Variants in TTC7A observed in about 807,000 individuals in gnomAD.
The protein encoded by TTC7A is tetratricopeptide repeat domain 7A.
TTC7A carries 110 observed loss-of-function variants against 103.7 expected under a neutral mutation model. The observed-to-expected ratio is 1.06, with a 90% CI of 0.91 to 1.24. The LOEUF (loss-of-function observed/expected upper bound fraction) is 1.24, where lower values mean the gene tolerates loss of function less well. TTC7A is among the 50% of genes most tolerant of loss of function. TTC7A has a pLI of 0.00. For missense variants in TTC7A, 1,340 were observed against 1,116.3 expected, an observed-to-expected ratio of 1.20 and a Z score of -2.86; for synonymous variants, 521 against 467.9, an observed-to-expected ratio of 1.11 and a Z score of -1.47.
In TTC7A at chr2:47,009,886, G is replaced by GTT. The variant is rs34401578; in HGVS notation, c.1288-1429_1288-1428dup. On this transcript the variant is annotated intron_variant, in intron 10 of 19. Transcript: ENST00000319190. ...TCCAGCCCAGAAAGAGTGTGTGTGTGTTTTTTTTTTTTTTTTTGGTGGTGG... is the reference window on the plus strand; with the variant it reads ...TCCAGCCCAGAAAGAGTGTGTGTGTGTTTTTTTTTTTTTTTTTTTGGTGGTGG... Among the ~76,000 whole-genome samples, 280 of 93,488 alleles carry GTT rather than the reference G, an allele frequency of 3.0e-3. 3 individuals are homozygous for GTT. The highest frequency in any genetic ancestry group is 7.4e-3 in the African/African-American group (172 of 23,210). 61.3% of individuals were successfully genotyped at this position (93,488 alleles called of 152,430 possible).
At chr2:46,992,072 C>T (rs140468801) in intron 5 of TTC7A, among the ~76,000 whole-genome samples, 116 of 152,328 alleles carry the variant, frequency 7.6e-4, no homozygotes, top group African/African-American at 2.7e-3. Context: ...TCTTGGCTGC[C>T]AGCTTTGGCT....
Position 46,941,388 on chromosome 2 carries a change from ACCCTCCGCCGCCCGGGCC to A in TTC7A, c.-150_-133del. On this transcript the variant is annotated 5_prime_UTR_variant, in exon 1 of 20. Coordinates refer to ENST00000319190, the MANE Select transcript of TTC7A (RefSeq NM_020458.4). This position sits in a 1 kb window ranked among gnomAD's most constrained non-coding sequence, Gnocchi z 4.2. Reference sequence around the variant, plus strand: ...GGTGCTGCTGCTGCTGCTGCTGCCCACCCTCCGCCGCCCGGGCCCCCGCTGCCGCCCGGGCCCCGGCTG... The same window carrying A: ...GGTGCTGCTGCTGCTGCTGCTGCCCACCCGCTGCCGCCCGGGCCCCGGCTG... The A allele has an allele frequency of 5.2e-6, 3 of 575,564 alleles. No homozygotes were observed. Among genetic ancestry groups the A allele is most frequent in the Non-Finnish European group, 7.2e-6 (3 of 417,718 alleles). The allele number at this position is 575,564 out of a possible 1,614,324, so 35.7% of individuals were successfully genotyped here.
chr2:46,956,906 A>T lies in TTC7A; in HGVS notation c.416A>T (p.Asp139Val). The change falls in exon 3 of 20, where the codon GAT (aspartate) becomes GTT (valine). Residue 139 changes from aspartate to valine, a missense_variant. By Grantham distance (152) the Asp-to-Val change is radical. Transcript: ENST00000319190. ...CATTACGTGGAGGGCTCATACCGAG[A>T]TGCCATCAGCATGTACGCACGGGCC... ...KLHYVEGSYRDAISMYARAGI... is the reference protein window; with the variant it reads ...KLHYVEGSYRVAISMYARAGI... 1 of 1,614,156 alleles carries T rather than the reference A, an allele frequency of 6.2e-7. No homozygotes were observed. The highest frequency in any genetic ancestry group is 8.5e-7 in the Non-Finnish European group (1 of 1,180,014).
chr2:47,075,246 G>T lies in TTC7A; in HGVS notation c.*1323G>T, dbSNP rs75457402. ...CCAAGGGGCACCACAGAGGACCCTG[G>T]ATCCTTTGCCTCTTCTTGGTTGAAG... On this transcript the variant is annotated 3_prime_UTR_variant, in exon 20 of 20. Transcript: ENST00000319190. 6.6e-6 allele frequency: 1 copy of T among 152,206 alleles called. No homozygotes were observed. The highest frequency in any genetic ancestry group is 1.5e-5 in the Non-Finnish European group (1 of 68,042). The allele number at this position is 152,206 out of a possible 1,614,324, so 9.4% of individuals were successfully genotyped here. A position where few individuals can be genotyped will look rare whatever the true frequency, so the allele number is the denominator to read the frequency against.
In TTC7A at chr2:47,075,524, G is replaced by A. The variant is rs553653482; in HGVS notation, c.*1601G>A. 1 of 152,346 alleles carries A rather than the reference G, an allele frequency of 6.6e-6. No individual in the cohort carries two copies. The highest frequency in any genetic ancestry group is 2.4e-5 in the African/African-American group (1 of 41,576). 9.4% of individuals were successfully genotyped at this position (152,346 alleles called of 1,614,324 possible). A position where few individuals can be genotyped will look rare whatever the true frequency, so the allele number is the denominator to read the frequency against. On this transcript the variant is annotated 3_prime_UTR_variant, in exon 20 of 20. Transcript: ENST00000319190. ...CCAAGTTGCTGACAGTGACTTTGCA[G>A]GTTGAATAAAGAAACCCTTGGAGGG... is the stretch of plus-strand genomic sequence containing the variant.
At chr2:46,927,151 G>A (rs2103824639) in intron 2 of TTC7A, among the ~76,000 whole-genome samples, 1 of 152,056 alleles carries the variant, frequency 6.6e-6, no homozygotes, top group African/African-American at 2.4e-5. Flanking sequence ...AGTCACAGGA[G>A]GAGAGGAGAG....
chr2:46,916,129 A>C, upstream of TTC7A: 1 of 985,490 alleles, frequency 1.0e-6, no homozygotes, highest in Non-Finnish European at 1.2e-6. Flanking sequence ...GGCGGACCCC[A>C]AAGCTGGCTC....
At chr2:47,022,323 T>TCCA (rs1679380724) in intron 12 of TTC7A, among the ~76,000 whole-genome samples, 1 of 152,164 alleles carries the variant, frequency 6.6e-6, no homozygotes, top group South Asian at 2.1e-4. Flanking sequence ...CCATCAGCCC[T>TCCA]CCACCTCACA....
At chr2:46,999,934 T>A in intron 8 of TTC7A, 5 of 982,182 alleles carry the variant, frequency 5.1e-6, no homozygotes, top group Non-Finnish European at 6.0e-6. Flanking sequence ...TTAACAGACT[T>A]TGTGCCATGC....
chr2:47,022,703 A>G, intron 12 of TTC7A, among the ~76,000 whole-genome samples: 1 of 152,148 alleles, frequency 6.6e-6, no homozygotes, highest in East Asian at 1.9e-4. Flanking sequence ...ATCGGGTATA[A>G]ATGAGCCCTG....
intron 15 of TTC7A, among the ~76,000 whole-genome samples, chr2:47,036,877 G>C (rs966525053): frequency 1.3e-5 from 2 of 152,164 alleles, no homozygotes; most frequent in African/African-American, 4.8e-5. Context: ...GCATGTGTTG[G>C]ATTTAACATG....
intron 2 of TTC7A, among the ~76,000 whole-genome samples, chr2:46,921,777 T>C (rs1285115519): frequency 6.6e-6 from 1 of 152,200 alleles, no homozygotes; most frequent in Non-Finnish European, 1.5e-5. Flanking sequence ...ATTAGTTAGA[T>C]TCTCATAAGG....
At chr2:47,070,458 GCT>G (rs1297534699) in intron 19 of TTC7A, among the ~76,000 whole-genome samples, 3 of 152,232 alleles carry the variant, frequency 2.0e-5, no homozygotes, top group African/African-American at 7.2e-5. Context: ...TACATCCTGA[GCT>G]CTGAGCCTTG....
chr2:46,998,000 T>C (rs921669007), intron 8 of TTC7A, among the ~76,000 whole-genome samples: 7 of 152,062 alleles, frequency 4.6e-5, no homozygotes, highest in Non-Finnish European at 8.8e-5. Flanking sequence ...TCCAAGCAGC[T>C]CTTTCCCTTT....
chr2:47,047,140 G>A, intron 16 of TTC7A: 1 of 627,962 alleles, frequency 1.6e-6, no homozygotes, highest in Non-Finnish European at 2.8e-6. Context: ...AAGGGAAAGT[G>A]GGCCTCCTTC....
intron 11 of TTC7A, among the ~76,000 whole-genome samples, chr2:47,015,036 T>G (rs1382427813): frequency 2.0e-5 from 3 of 151,836 alleles, no homozygotes; most frequent in African/African-American, 7.3e-5. Context: ...AGGGTGGGAG[T>G]AGCTGAGCAG....
intron 19 of TTC7A, among the ~76,000 whole-genome samples, chr2:47,070,714 G>C (rs1044257845): frequency 6.8e-6 from 1 of 146,902 alleles, no homozygotes; most frequent in Non-Finnish European, 1.5e-5. Flanking sequence ...GGAAGGGAGA[G>C]AAGGAGGGTC....
chr2:47,001,335 G>C (rs1193873133), intron 8 of TTC7A, among the ~76,000 whole-genome samples: 1 of 152,152 alleles, frequency 6.6e-6, no homozygotes, highest in African/African-American at 2.4e-5. Flanking sequence ...TGGCAGAGGA[G>C]CCCCCAGGCA....
intron 1 of TTC7A, among the ~76,000 whole-genome samples, chr2:46,949,704 T>C (rs1047514710): frequency 6.6e-6 from 1 of 152,202 alleles, no homozygotes; most frequent in Non-Finnish European, 1.5e-5. Flanking sequence ...CTACTGTGGC[T>C]GCTAGGTTAT....
Sources: allele counts gnomAD v4.1 joint callset (sites outside exome capture counted in the v4.1 genomes callset), GRCh38; gene constraint gnomAD v4.1.1; non-coding constraint Gnocchi (gnomAD v3.1); transcripts MANE v1.5; gene names NCBI Gene and HGNC (gene_info 2026-07-23, HGNC 2026-07-21).